Variants in SASH1 observed in about 807,000 individuals in gnomAD.
SASH1 encodes SAM and SH3 domain containing 1, also known as SAM and SH3 domain-containing protein 1.
In SASH1, 44 loss-of-function variants were observed where a neutral mutation model predicts 125.2. That is an observed-to-expected ratio of 0.35 (90% confidence interval 0.28 to 0.45). The LOEUF (loss-of-function observed/expected upper bound fraction) is 0.45. Ranked by LOEUF, SASH1 falls within the 20% of genes least tolerant of loss-of-function variation. The pLI, the probability that SASH1 is intolerant of heterozygous loss-of-function variation, is 1.00. For missense variants in SASH1, 1,426 were observed against 1,614.5 expected, an observed-to-expected ratio of 0.88 and a Z score of 2.00; for synonymous variants, 639 against 649.1, an observed-to-expected ratio of 0.98 and a Z score of 0.24.
chr6:148,499,601 C>T (rs1779479603), intron 8 of SASH1, among the ~76,000 whole-genome samples: 1 of 152,108 alleles, frequency 6.6e-6, no homozygotes, highest in Admixed American at 6.6e-5. Flanking sequence ...ACAGAAAGTC[C>T]AGCAAGCCCC....
chr6:148,405,061 T>G (rs1784322459), intron 2 of SASH1, among the ~76,000 whole-genome samples: 1 of 151,998 alleles, frequency 6.6e-6, no homozygotes, highest in Non-Finnish European at 1.5e-5. Context: ...ACTGAAAGCT[T>G]GCAGAACTTA....
chr6:148,226,008 A>T, the SASH1 span, among the ~76,000 whole-genome samples: 1 of 152,222 alleles, frequency 6.6e-6, no homozygotes, highest in Non-Finnish European at 1.5e-5. Flanking sequence ...GTAGTTTAGA[A>T]GAAAAGACAG....
chr6:148,229,048 C>A, the SASH1 span, among the ~76,000 whole-genome samples: 1 of 143,990 alleles, frequency 6.9e-6, no homozygotes, highest in African/African-American at 2.6e-5. Context: ...GCAGGAGAAC[C>A]ACTTGAACCT....
intron 4 of SASH1, among the ~76,000 whole-genome samples, chr6:148,453,662 T>C (rs1583186288): frequency 6.6e-6 from 1 of 152,160 alleles, no homozygotes; most frequent in Non-Finnish European, 1.5e-5. Context: ...GGAAGTTTAA[T>C]TTGATAAGCA....
chr6:148,453,494 G>C lies in SASH1; in HGVS notation c.386+13087G>C, dbSNP rs113638999. On this transcript the variant is annotated intron_variant, in intron 4 of 19. Transcript: ENST00000367467. ...AGGAAACCAAGGTTTAGAAAGGTCAGTGACTTAGCAAGATCACAGACCTTG... is the reference window on the plus strand; with the variant it reads ...AGGAAACCAAGGTTTAGAAAGGTCACTGACTTAGCAAGATCACAGACCTTG... Among the ~76,000 whole-genome samples, 12 of 152,220 alleles carry C rather than the reference G, an allele frequency of 7.9e-5. 1 individual carries two copies. Among genetic ancestry groups the C allele is most frequent in the African/African-American group, 2.6e-4 (11 of 41,524 alleles).
chr6:148,431,935 C>G (rs1776076726), intron 2 of SASH1, among the ~76,000 whole-genome samples: 1 of 151,460 alleles, frequency 6.6e-6, no homozygotes, highest in Admixed American at 6.6e-5. Context: ...AAGCAGGAAA[C>G]CAAATAAAAG....
At chr6:148,198,039 A>G in the SASH1 span, among the ~76,000 whole-genome samples, 1 of 152,146 alleles carries the variant, frequency 6.6e-6, no homozygotes, top group African/African-American at 2.4e-5. Context: ...TAGTAGAAAC[A>G]GGGCTTCACC....
chr6:148,436,739 C>T (rs1285595959), intron 2 of SASH1, among the ~76,000 whole-genome samples: 1 of 152,160 alleles, frequency 6.6e-6, no homozygotes, highest in Non-Finnish European at 1.5e-5. Context: ...CCAGCTGAGG[C>T]TCCAAACACT....
At chr6:148,263,280 G>A in the SASH1 span, among the ~76,000 whole-genome samples, 1 of 152,182 alleles carries the variant, frequency 6.6e-6, no homozygotes, top group Admixed American at 6.5e-5. Flanking sequence ...CCTGCCTGTG[G>A]AGAGCCCATC....
At chr6:148,365,251 T>G (rs1422373612) in intron 1 of SASH1, among the ~76,000 whole-genome samples, 1 of 152,230 alleles carries the variant, frequency 6.6e-6, no homozygotes, top group Non-Finnish European at 1.5e-5. Context: ...AACCCATGAT[T>G]GCTTTTTTAA....
intron 1 of SASH1, among the ~76,000 whole-genome samples, chr6:148,358,776 C>CCGAGGCTGGAGTG: frequency 7.3e-6 from 1 of 137,046 alleles, no homozygotes; most frequent in Non-Finnish European, 1.5e-5. Context: ...CCCTTCATCA[C>CCGAGGCTGGAGTG]CGAGGCTGGA....
chr6:148,334,709 G>T (rs1327559214), intron 1 of SASH1, among the ~76,000 whole-genome samples: 3 of 151,716 alleles, frequency 2.0e-5, no homozygotes, highest in African/African-American at 7.3e-5. Flanking sequence ...CTACTGGGGA[G>T]GCTGAGGCAG....
chr6:148,346,089 C>T (rs989378592), intron 1 of SASH1, among the ~76,000 whole-genome samples: 1 of 152,190 alleles, frequency 6.6e-6, no homozygotes, highest in African/African-American at 2.4e-5. Flanking sequence ...AATCAAACCA[C>T]ACAGCTTATC....
At chr6:148,317,960 C>T (rs1780524813) in intron 1 of SASH1, among the ~76,000 whole-genome samples, 1 of 152,180 alleles carries the variant, frequency 6.6e-6, no homozygotes, top group Non-Finnish European at 1.5e-5. Flanking sequence ...ACCCTTGTCT[C>T]TCAGCTTCAG....
intron 2 of SASH1, among the ~76,000 whole-genome samples, chr6:148,439,145 C>G (rs1460356022): frequency 6.6e-6 from 1 of 152,212 alleles, no homozygotes; most frequent in South Asian, 2.1e-4. Flanking sequence ...AAATACTCTT[C>G]GTTTTCTTTT....
chr6:148,364,488 AAGAGTGT>A (rs1401373483), intron 1 of SASH1, among the ~76,000 whole-genome samples: 2 of 152,202 alleles, frequency 1.3e-5, no homozygotes, highest in East Asian at 3.8e-4. Context: ...TTACAAAAGC[AAGAGTGT>A]AGACTCCTAA....
Position 148,367,362 on chromosome 6 carries a change from A to G in SASH1, c.157-22772A>G, listed in dbSNP as rs1347227304. Among the ~76,000 whole-genome samples, 5 of 152,202 alleles carry G rather than the reference A, an allele frequency of 3.3e-5. No homozygotes were observed. The South Asian group carries it at 1.0e-3, about 32-fold the overall frequency. ...TCCTCAGTTGAGTCTGACCATGCACATTCTTACTTACAAGTTTTAGTTGTC... is the reference window on the plus strand; with the variant it reads ...TCCTCAGTTGAGTCTGACCATGCACGTTCTTACTTACAAGTTTTAGTTGTC... On this transcript the variant is annotated intron_variant, in intron 1 of 19. Transcript: ENST00000367467.
the SASH1 span, among the ~76,000 whole-genome samples, chr6:148,218,178 C>G: frequency 2.0e-5 from 3 of 151,780 alleles, no homozygotes; most frequent in African/African-American, 7.2e-5. Context: ...AAGTCAAGCA[C>G]TTTTGAAAAC....
At chr6:148,373,709 C>G (rs1375651552) in intron 1 of SASH1, among the ~76,000 whole-genome samples, 1 of 152,136 alleles carries the variant, frequency 6.6e-6, no homozygotes, top group Non-Finnish European at 1.5e-5. Context: ...GTGGCTCACA[C>G]CTGTAATCCC....
Sources: allele counts gnomAD v4.1 joint callset (sites outside exome capture counted in the v4.1 genomes callset), GRCh38; gene constraint gnomAD v4.1.1; transcripts MANE v1.5; gene names NCBI Gene and HGNC (gene_info 2026-07-23, HGNC 2026-07-21).